Variants in C12orf56 observed in about 807,000 individuals in gnomAD.
C12orf56 encodes chromosome 12 open reading frame 56, also known as uncharacterized protein C12orf56.
Under a neutral mutation model 69.9 loss-of-function variants are expected in C12orf56, and 71 were observed. The observed-to-expected ratio is 1.02, with a 90% CI of 0.84 to 1.24. C12orf56 has a LOEUF of 1.24. Ranked by LOEUF, C12orf56 falls within the 50% of genes most tolerant of loss-of-function variation. C12orf56 has a pLI of 0.00. For missense variants in C12orf56, 732 were observed against 738.5 expected, an observed-to-expected ratio of 0.99 and a Z score of 0.10; for synonymous variants, 276 against 274.1, an observed-to-expected ratio of 1.01 and a Z score of -0.07.
intron 12 of C12orf56, 87 bp from the exon 13 acceptor site, chr12:64,267,375 C>G (rs539880599): frequency 9.6e-7 from 1 of 1,045,802 alleles, no homozygotes; most frequent in South Asian, 1.4e-5. Context: ...CACTCACTGG[C>G]TAGGGTTGTT....
At chr12:64,316,632 A>AG (rs556507292) in intron 4 of C12orf56, among the ~76,000 whole-genome samples, 6 of 152,194 alleles carry the variant, frequency 3.9e-5, no homozygotes, top group Non-Finnish European at 7.3e-5. Flanking sequence ...CAATGGTCAT[A>AG]GAAAAAAAAA....
intron 3 of C12orf56, among the ~76,000 whole-genome samples, chr12:64,319,494 C>T (rs936734572): frequency 4.6e-5 from 7 of 152,204 alleles, no homozygotes; most frequent in African/African-American, 9.6e-5. Flanking sequence ...CTCCCAGGCT[C>T]AAGTGATCCT....
At chr12:64,302,300 C>T (rs10878140) in intron 6 of C12orf56, among the ~76,000 whole-genome samples, 106,588 of 151,932 alleles carry the variant, frequency 0.7, 38,511 homozygotes, top group Non-Finnish European at 0.79. Context: ...GGACATTTGG[C>T]ATATTATTCT....
At position 64,274,977 on chromosome 12, in the gene C12orf56, TA is replaced by T. The variant is rs781329091; in HGVS notation, c.1510-3del. On this transcript the variant is annotated splice_region_variant and splice_polypyrimidine_tract_variant and intron_variant, in intron 10 of 12. Transcript: ENST00000543942. ...TGTGGATCCCAATCCGAGATTTCCC[TA>T]AAAGACTCAAGGAAATAAACAAGTT... 2 of 1,606,540 alleles carry T rather than the reference TA, an allele frequency of 1.2e-6. No individual in the cohort carries two copies. Among genetic ancestry groups the T allele is most frequent in the East Asian group, 4.5e-5 (2 of 44,726 alleles).
chr12:64,277,829 T>C (rs2038073403), intron 8 of C12orf56, 26 bp from the exon 9 acceptor site: 2 of 1,502,948 alleles, frequency 1.3e-6, no homozygotes, highest in South Asian at 1.4e-5. Flanking sequence ...TAAAAGGCAA[T>C]TAGTGAGCAA....
chr12:64,302,281 A>T (rs2038455679), intron 6 of C12orf56, among the ~76,000 whole-genome samples: 1 of 152,130 alleles, frequency 6.6e-6, no homozygotes, highest in Admixed American at 6.6e-5. Flanking sequence ...TCAATGTCTC[A>T]ATGTTGTGGG....
At chr12:64,364,870 G>A (rs2039444086) in intron 1 of C12orf56, among the ~76,000 whole-genome samples, 1 of 151,972 alleles carries the variant, frequency 6.6e-6, no homozygotes, top group Admixed American at 6.6e-5. Flanking sequence ...CTCTCACCCC[G>A]CCTCCTTTGG....
chr12:64,326,496 G>A (rs1362569168), intron 3 of C12orf56, among the ~76,000 whole-genome samples: 3 of 152,126 alleles, frequency 2.0e-5, no homozygotes, highest in African/African-American at 4.8e-5. Flanking sequence ...TGGGACCACC[G>A]CCAGCCGAGG....
At position 64,367,339 on chromosome 12, in the gene C12orf56, A is replaced by ATATAT. The variant is rs199935346; in HGVS notation, c.253-14288_253-14284dup. Reference sequence around the variant, plus strand: ...ATATAGCTTATATAATATACAGTTTATATATTATATTATATTATATTATAT... The same window carrying ATATAT: ...ATATAGCTTATATAATATACAGTTTATATATTATATTATATTATATTATATTATAT... On this transcript the variant is annotated intron_variant, in intron 1 of 12. Transcript: ENST00000543942. 6.0e-3 allele frequency among the ~76,000 whole-genome samples: 793 copies of ATATAT among 132,710 alleles called. 8 individuals carry two copies. The highest frequency in any genetic ancestry group is 9.2e-3 in the Non-Finnish European group (599 of 65,052). 87.1% of individuals were successfully genotyped at this position (132,710 alleles called of 152,430 possible). A position where few individuals can be genotyped will look rare whatever the true frequency, so the allele number is the denominator to read the frequency against.
intron 6 of C12orf56, among the ~76,000 whole-genome samples, chr12:64,295,173 G>A (rs532739780): frequency 8.1e-4 from 123 of 152,228 alleles, no homozygotes; most frequent in Non-Finnish European, 1.3e-3. Flanking sequence ...ATGAGCCACC[G>A]TGCCAGTGGA....
intron 6 of C12orf56, among the ~76,000 whole-genome samples, chr12:64,293,954 G>T (rs1225911541): frequency 6.6e-6 from 1 of 152,176 alleles, no homozygotes; most frequent in Non-Finnish European, 1.5e-5. Context: ...ATAGTTACAT[G>T]AATAGAGACA....
intron 5 of C12orf56, among the ~76,000 whole-genome samples, chr12:64,306,648 C>T (rs778308036): frequency 3.3e-5 from 5 of 152,122 alleles, no homozygotes; most frequent in Admixed American, 6.5e-5. Flanking sequence ...AGATTACAGG[C>T]GTGAGCCACT....
intron 1 of C12orf56, among the ~76,000 whole-genome samples, chr12:64,367,830 T>C (rs1180542133): frequency 7.6e-6 from 1 of 132,444 alleles, no homozygotes; most frequent in African/African-American, 2.9e-5. Flanking sequence ...TTTTTTGAAA[T>C]GGAGTCTTGC....
chr12:64,365,781 A>G (rs548208235), intron 1 of C12orf56, among the ~76,000 whole-genome samples: 1 of 142,056 alleles, frequency 7.0e-6, no homozygotes, highest in South Asian at 2.1e-4. Flanking sequence ...ACATATAATA[A>G]ATATATAATG....
In C12orf56 at chr12:64,277,729, A is replaced by C; in HGVS notation, c.1385T>G (p.Ile462Ser). 3 of 1,602,330 alleles carry C rather than the reference A, an allele frequency of 1.9e-6. No individual in the cohort carries two copies. Among genetic ancestry groups the C allele is most frequent in the Non-Finnish European group, 2.6e-6 (3 of 1,173,210 alleles). The change falls in exon 9 of 13, where the codon ATC becomes AGC. Residue 462 changes from isoleucine to serine, a missense_variant. Ile to Ser is a moderately radical substitution (Grantham distance 142, BLOSUM62 -2). Coordinates refer to ENST00000543942, the MANE Select transcript of C12orf56 (RefSeq NM_001170633.2). ...TAAAGCTGAATCAGCCACCAACTGG[A>C]TATCAAACACAGGACAAGATTTTGG... ...QIPKSCPVFDIQLVADSALVR... is the reference protein window; with the variant it reads ...QIPKSCPVFDSQLVADSALVR...
At chr12:64,343,687 G>C (rs1380566446) in intron 2 of C12orf56, among the ~76,000 whole-genome samples, 1 of 152,168 alleles carries the variant, frequency 6.6e-6, no homozygotes, top group Non-Finnish European at 1.5e-5. Context: ...TTCTGCACAG[G>C]CCAAATGGGA....
chr12:64,376,477 A>G (rs2039642159), intron 1 of C12orf56, among the ~76,000 whole-genome samples: 1 of 152,162 alleles, frequency 6.6e-6, no homozygotes, highest in Non-Finnish European at 1.5e-5. Context: ...CGAAACAGCA[A>G]TTACTTTTGT....
chr12:64,284,359 G>A (rs17100266), intron 8 of C12orf56, among the ~76,000 whole-genome samples: 2,879 of 152,246 alleles, frequency 0.019, 91 homozygotes, highest in African/African-American at 0.065. Flanking sequence ...AAATTCTGGC[G>A]GAGATCCCCC....
chr12:64,321,628 C>T (rs1476274384), intron 3 of C12orf56, among the ~76,000 whole-genome samples: 4 of 152,084 alleles, frequency 2.6e-5, no homozygotes. Flanking sequence ...GCCACTGCAC[C>T]CTGCCCCAGC....
Sources: gnomAD v4.1 joint callset for allele counts (sites outside exome capture counted in the v4.1 genomes callset) on GRCh38, gnomAD v4.1.1 for gene constraint, MANE v1.5 for transcripts, NCBI Gene and HGNC (gene_info 2026-07-23, HGNC 2026-07-21) for gene names.